FOXP1: variants seen among roughly 807,000 people sequenced by gnomAD.
FOXP1 encodes the protein forkhead box P1.
In FOXP1, 15 loss-of-function variants were observed where a neutral mutation model predicts 98.2. That is an observed-to-expected ratio of 0.15 (90% CI 0.10 to 0.24). FOXP1 has a LOEUF of 0.24. Ranked by LOEUF, FOXP1 falls within the 10% of genes least tolerant of loss-of-function variation. The pLI is 1.00. For synonymous variants in FOXP1, 371 were observed against 314.5 expected (o/e 1.18, Z -1.90); for missense variants, 633 against 848.5 (o/e 0.75, Z 3.15).
intron 4 of FOXP1, among the ~76,000 whole-genome samples, chr3:71,313,014 G>A (rs1329881555): frequency 2.0e-5 from 3 of 149,950 alleles, no homozygotes; most frequent in Non-Finnish European, 4.4e-5. Flanking sequence ...TAAAATAAGG[G>A]AATGTCTTTG....
At chr3:71,009,155 C>CGGGG (rs10546380) in intron 12 of FOXP1, among the ~76,000 whole-genome samples, 3 of 20,792 alleles carry the variant, frequency 1.4e-4, no homozygotes, top group East Asian at 2.1e-3. Context: ...ATCATGGGGG[C>CGGGG]GGGGGGGGGG....
intron 6 of FOXP1, 89 bp downstream of exon 6, chr3:71,198,113 A>G: frequency 4.3e-6 from 7 of 1,612,962 alleles, no homozygotes; most frequent in Non-Finnish European, 5.9e-6. Context: ...AACACAAAAC[A>G]CTGATCGCGA....
chr3:71,081,121 G>C (rs2107522372), intron 7 of FOXP1, among the ~76,000 whole-genome samples: 1 of 152,306 alleles, frequency 6.6e-6, no homozygotes, highest in Middle Eastern at 3.4e-3. Context: ...TTTGTGTCCA[G>C]GTTTACCTTG....
intron 4 of FOXP1, among the ~76,000 whole-genome samples, chr3:71,323,713 T>C (rs1378988038): frequency 6.6e-6 from 1 of 152,208 alleles, no homozygotes; most frequent in Non-Finnish European, 1.5e-5. Context: ...CAGAATAGTT[T>C]TCACGAGTAC....
At chr3:71,401,030 C>G (rs376165718) in intron 3 of FOXP1, among the ~76,000 whole-genome samples, 1 of 152,110 alleles carries the variant, frequency 6.6e-6, no homozygotes, top group Non-Finnish European at 1.5e-5. Context: ...TTGTCTAAGA[C>G]GAGTCCTTCC....
chr3:71,453,940 G>T (rs1164187471), intron 3 of FOXP1, among the ~76,000 whole-genome samples: 1 of 152,176 alleles, frequency 6.6e-6, no homozygotes, highest in Admixed American at 6.6e-5. Flanking sequence ...TTAAGACAAT[G>T]AACACATCAA....
At chr3:70,967,984 G>A (rs1180572484) in intron 19 of FOXP1, among the ~76,000 whole-genome samples, 1 of 152,096 alleles carries the variant, frequency 6.6e-6, no homozygotes, top group African/African-American at 2.4e-5. Flanking sequence ...CGTGTTCATT[G>A]GGATGAGTTT....
At chr3:71,114,382 C>A (rs562387533) in intron 6 of FOXP1, among the ~76,000 whole-genome samples, 3 of 152,138 alleles carry the variant, frequency 2.0e-5, no homozygotes, top group African/African-American at 4.8e-5. Context: ...CACGTAAAAA[C>A]GTGGAGTGTG....
intron 7 of FOXP1, 58 bp from the exon 8 acceptor site, chr3:71,053,831 C>T (rs2050241625): frequency 6.2e-6 from 10 of 1,602,146 alleles, no homozygotes; most frequent in African/African-American, 1.3e-5. Context: ...CGCAGCCTCC[C>T]AGGTTCAGCA....
At chr3:71,129,455 C>T (rs541736632) in intron 6 of FOXP1, among the ~76,000 whole-genome samples, 1 of 152,136 alleles carries the variant, frequency 6.6e-6, no homozygotes, top group Non-Finnish European at 1.5e-5. Flanking sequence ...CTAATAGATG[C>T]TGTTTTAGAT....
At chr3:71,553,912 T>C (rs1459003299) in intron 2 of FOXP1, among the ~76,000 whole-genome samples, 1 of 152,244 alleles carries the variant, frequency 6.6e-6, no homozygotes, top group Non-Finnish European at 1.5e-5. Context: ...CTACAGTTTC[T>C]ATTCAAGTGA....
intron 8 of FOXP1, among the ~76,000 whole-genome samples, chr3:71,053,368 C>T (rs2050171576): frequency 6.6e-6 from 1 of 152,170 alleles, no homozygotes; most frequent in African/African-American, 2.4e-5. Flanking sequence ...AAAGATCTTA[C>T]TGCTACCAAG....
intron 12 of FOXP1, among the ~76,000 whole-genome samples, chr3:71,011,677 T>C (rs1315761966): frequency 6.6e-6 from 1 of 152,146 alleles, no homozygotes; most frequent in African/African-American, 2.4e-5. Flanking sequence ...AAAAGTCGTC[T>C]TACAAATATA....
intron 5 of FOXP1, among the ~76,000 whole-genome samples, chr3:71,253,399 CGT>C (rs10571214): frequency 0.41 from 62,178 of 151,822 alleles, 13,268 homozygotes; most frequent in Middle Eastern, 0.49. Flanking sequence ...AAATAATAGA[CGT>C]GTTTAACTTT....
chr3:71,436,233 C>A (rs2085341396), intron 3 of FOXP1, among the ~76,000 whole-genome samples: 1 of 152,018 alleles, frequency 6.6e-6, no homozygotes, highest in African/African-American at 2.4e-5. Context: ...AAAGCAGTTT[C>A]ATTTGGAAAA....
At chr3:71,281,039 C>CAAAAAAAAAAAAA (rs55640213) in intron 5 of FOXP1, among the ~76,000 whole-genome samples, 2 of 83,564 alleles carry the variant, frequency 2.4e-5, no homozygotes, top group Admixed American at 1.3e-4. Flanking sequence ...CCCTTCTCTA[C>CAAAAAAAAAAAAA]AAAAAAAAAA....
chr3:71,236,467 A>G (rs1301097396), intron 5 of FOXP1, among the ~76,000 whole-genome samples: 1 of 152,196 alleles, frequency 6.6e-6, no homozygotes, highest in African/African-American at 2.4e-5. Flanking sequence ...CATCCTGTCT[A>G]CAGAGATATC....
chr3:71,310,057 T>C (rs1576905774), intron 4 of FOXP1, among the ~76,000 whole-genome samples: 1 of 152,238 alleles, frequency 6.6e-6, no homozygotes, highest in Admixed American at 6.5e-5. Flanking sequence ...GCACATTCAC[T>C]GGAATTTTTC....
chr3:71,241,142 G>A (rs984032306), intron 5 of FOXP1, among the ~76,000 whole-genome samples: 11 of 151,694 alleles, frequency 7.3e-5, no homozygotes, highest in East Asian at 2.0e-4. Context: ...CCCGGGAGGC[G>A]GAGCTTGCAG....
Sources: gnomAD v4.1 joint callset for allele counts (sites outside exome capture counted in the v4.1 genomes callset) on GRCh38, gnomAD v4.1.1 for gene constraint, MANE v1.5 for transcripts, NCBI Gene and HGNC (gene_info 2026-07-23, HGNC 2026-07-21) for gene names.